The following NIPAL3 variants were observed in gnomAD, a reference collection of about 807,000 sequenced individuals.
The protein encoded by NIPAL3 is NIPA like domain containing 3.
NIPAL3 carries 41 observed loss-of-function variants against 47.2 expected under a neutral mutation model. The ratio of observed to expected loss-of-function variants is 0.87; its 90% CI spans 0.68 to 1.13. The LOEUF is 1.13. NIPAL3 is among the 50% of genes most tolerant of loss of function. NIPAL3 has a pLI of 0.00. For synonymous variants in NIPAL3, 194 were observed against 209.6 expected, an observed-to-expected ratio of 0.93 and a Z score of 0.64; for missense variants, 449 against 530.1, an observed-to-expected ratio of 0.85 and a Z score of 1.50.
Position 24,428,365 on chromosome 1 carries a change from C to CT in NIPAL3, c.93+8733dup, listed in dbSNP as rs1304140815. Among the ~76,000 whole-genome samples, 15 of 151,382 alleles carry CT rather than the reference C, an allele frequency of 9.9e-5. No individual in the cohort carries two copies. In the South Asian group the frequency reaches 2.3e-3, roughly 23 times the overall value. On this transcript the variant is annotated intron_variant, in intron 2 of 11. Transcript: ENST00000374399. ...AAAATATTACTCTAATTTTCTTCCA[C>CT]TTTTTTTTGTAAAAATTGGCCATAA...
rs1030244828 is a variant in NIPAL3, at chr1:24,449,694, C to T, written c.540+68C>T. 6.6e-6 allele frequency: 10 copies of T among 1,522,466 alleles called. No individual in the cohort carries two copies. The highest frequency in any genetic ancestry group is 5.5e-5 in the African/African-American group (4 of 72,978). 94.3% of individuals were successfully genotyped at this position (1,522,466 alleles called of 1,614,324 possible). A position where few individuals can be genotyped will look rare whatever the true frequency, so the allele number is the denominator to read the frequency against. On this transcript the variant is annotated intron_variant, in intron 6 of 11. Transcript: ENST00000374399. This position sits in a 1 kb window ranked among gnomAD's most constrained non-coding sequence, Gnocchi z 4.5. ...GAGATCAAGTCCTAGAAACCAGAAA[C>T]GTGAATACCCAGCAATAGGGGATTC...
rs1646843570 is a variant in NIPAL3, at chr1:24,469,792, A to T, written c.*607A>T. ...AGGGAAGATGTGCTTGATATGTTCA[A>T]ATTGGATCTACTCTGAAAACGAAAC... On this transcript the variant is annotated 3_prime_UTR_variant, in exon 12 of 12. Coordinates refer to ENST00000374399, the MANE Select transcript of NIPAL3 (RefSeq NM_020448.5). 1 of 152,474 alleles carries T rather than the reference A, an allele frequency of 6.6e-6. No homozygotes were observed. The allele number at this position is 152,474 out of a possible 1,614,324, so 9.4% of individuals were successfully genotyped here.
At chr1:24,431,189 C>T (rs1170973826) in intron 2 of NIPAL3, among the ~76,000 whole-genome samples, 3 of 152,058 alleles carry the variant, frequency 2.0e-5, no homozygotes, top group Admixed American at 6.6e-5. Context: ...TTGGGATGGG[C>T]GTTACAGCAT....
chr1:24,413,717 G>A (rs1378751371), upstream of NIPAL3: 5 of 152,386 alleles, frequency 3.3e-5, no homozygotes, highest in South Asian at 1.0e-3. Context: ...CCAACCTCCC[G>A]GTCGCTATGG....
At chr1:24,442,989 T>C (rs1645469521) in intron 4 of NIPAL3, among the ~76,000 whole-genome samples, 1 of 152,098 alleles carries the variant, frequency 6.6e-6, no homozygotes, top group African/African-American at 2.4e-5. Context: ...CAAATTAAGC[T>C]TTTGTAGGGT....
chr1:24,450,957 G>A (rs1026966613), intron 6 of NIPAL3, among the ~76,000 whole-genome samples: 109 of 152,316 alleles, frequency 7.2e-4, no homozygotes, highest in Middle Eastern at 3.4e-3. Context: ...GCAAAAGACC[G>A]CCTCCTTGGG....
intron 2 of NIPAL3, among the ~76,000 whole-genome samples, chr1:24,424,380 T>C (rs566422314): frequency 1.3e-5 from 2 of 152,220 alleles, no homozygotes; most frequent in South Asian, 4.1e-4. Flanking sequence ...AAAAAGCACC[T>C]AACACAGTGT....
intron 10 of NIPAL3, among the ~76,000 whole-genome samples, chr1:24,463,329 A>G (rs1368244493): frequency 2.0e-5 from 3 of 152,242 alleles, no homozygotes; most frequent in Admixed American, 6.5e-5. Flanking sequence ...TGGTGAGAGA[A>G]GTCAAGATAG....
At chr1:24,426,054 G>A (rs183951944) in intron 2 of NIPAL3, among the ~76,000 whole-genome samples, 1 of 152,286 alleles carries the variant, frequency 6.6e-6, no homozygotes, top group East Asian at 1.9e-4. Context: ...CATGAGATAG[G>A]TACGGTTATA....
chr1:24,418,408 A>G (rs1644158624), intron 1 of NIPAL3, among the ~76,000 whole-genome samples: 1 of 152,044 alleles, frequency 6.6e-6, no homozygotes, highest in Admixed American at 6.6e-5. Flanking sequence ...AGGCAAGTGG[A>G]CTGCTTGAGC....
intron 2 of NIPAL3, among the ~76,000 whole-genome samples, chr1:24,427,990 A>G (rs750103832): frequency 6.6e-6 from 1 of 152,178 alleles, no homozygotes; most frequent in Non-Finnish European, 1.5e-5. Flanking sequence ...TCATGCTTGT[A>G]ATCCCAGAAC....
At chr1:24,428,302 G>GAGAGAC (rs1242337378) in intron 2 of NIPAL3, among the ~76,000 whole-genome samples, 5 of 141,504 alleles carry the variant, frequency 3.5e-5, no homozygotes, top group Admixed American at 2.8e-4. Context: ...GAGAGAGAGA[G>GAGAGAC]ACACCAGAAC....
In NIPAL3 at chr1:24,455,722, C is replaced by A. The variant is rs187848499; in HGVS notation, c.638-416C>A. Among the ~76,000 whole-genome samples the A allele has an allele frequency of 3.5e-3, 537 of 152,214 alleles. 2 individuals carry two copies. The highest frequency in any genetic ancestry group is 0.013 in the African/African-American group (520 of 41,524). On this transcript the variant is annotated intron_variant, in intron 7 of 11. Coordinates refer to ENST00000374399, the MANE Select transcript of NIPAL3 (RefSeq NM_020448.5). The stretch of plus-strand genomic sequence containing the variant: ...AGTGACTGAGCACTAAAAAACCCAA[C>A]AATTCCTAAGCTGTTTACCCAACAC...
At position 24,419,327 on chromosome 1, in the gene NIPAL3, CT is replaced by C; in HGVS notation, c.-220del. 2 of 1,260,212 alleles carry C rather than the reference CT, an allele frequency of 1.6e-6. No individual in the cohort carries two copies. The highest frequency in any genetic ancestry group is 2.0e-6 in the Non-Finnish European group (2 of 1,003,294). 78.1% of individuals were successfully genotyped at this position (1,260,212 alleles called of 1,614,324 possible). A position where few individuals can be genotyped will look rare whatever the true frequency, so the allele number is the denominator to read the frequency against. On this transcript the variant is annotated 5_prime_UTR_variant, in exon 2 of 12. It introduces an in-frame stop codon into an upstream open reading frame of the 5' UTR. Coordinates refer to ENST00000374399, the MANE Select transcript of NIPAL3 (RefSeq NM_020448.5). ...AACTGGAAAACACACCCCTCTCTGT[CT>C]GCCTGGGAGAGCCACGGAAATTGGC...
chr1:24,434,131 C>T (rs1190047833), intron 2 of NIPAL3, among the ~76,000 whole-genome samples: 1 of 151,996 alleles, frequency 6.6e-6, no homozygotes, highest in African/African-American at 2.4e-5. Context: ...ATTAAACTCT[C>T]CAAGTAAAAG....
intron 2 of NIPAL3, among the ~76,000 whole-genome samples, chr1:24,427,517 C>T (rs1462618301): frequency 2.0e-5 from 3 of 152,138 alleles, no homozygotes; most frequent in Admixed American, 1.3e-4. Flanking sequence ...TTAAAAGAAA[C>T]CTCAGCCATC....
At chr1:24,422,740 A>C (rs1304584759) in intron 2 of NIPAL3, among the ~76,000 whole-genome samples, 1 of 152,210 alleles carries the variant, frequency 6.6e-6, no homozygotes, top group Admixed American at 6.5e-5. Flanking sequence ...CAGCACTGAT[A>C]TTCAAAGTGA....
At position 24,419,336 on chromosome 1, in the gene NIPAL3, A is replaced by G; in HGVS notation, c.-212A>G. On this transcript the variant is annotated 5_prime_UTR_variant, in exon 2 of 12. Transcript: ENST00000374399. ...ACACACCCCTCTCTGTCTGCCTGGGAGAGCCACGGAAATTGGCACTTCTCT... is the reference window on the plus strand; with the variant it reads ...ACACACCCCTCTCTGTCTGCCTGGGGGAGCCACGGAAATTGGCACTTCTCT... 7.9e-7 allele frequency: 1 copy of G among 1,272,620 alleles called. No homozygotes were observed. Among genetic ancestry groups the G allele is most frequent in the Non-Finnish European group, 9.9e-7 (1 of 1,010,596 alleles). 78.8% of individuals were successfully genotyped at this position (1,272,620 alleles called of 1,614,324 possible).
At chr1:24,428,257 A>AC (rs1557491294) in intron 2 of NIPAL3, among the ~76,000 whole-genome samples, 35 of 115,040 alleles carry the variant, frequency 3.0e-4, no homozygotes, top group African/African-American at 1.3e-3. Flanking sequence ...TCTCAAAAAG[A>AC]AAGAGAGAGA....
Sources: gnomAD v4.1 joint callset for allele counts (sites outside exome capture counted in the v4.1 genomes callset) on GRCh38, gnomAD v4.1.1 for gene constraint, Gnocchi (gnomAD v3.1) non-coding constraint, MANE v1.5 for transcripts, NCBI Gene and HGNC (gene_info 2026-07-23, HGNC 2026-07-21) for gene names.